Variants in DMD observed in about 807,000 individuals in gnomAD.
The protein encoded by DMD is mutant dystrophin.
Under a neutral mutation model 330.1 loss-of-function variants are expected in DMD, and 63 were observed. That is an observed-to-expected ratio of 0.19 (90% CI 0.16 to 0.24). The LOEUF (loss-of-function observed/expected upper bound fraction) is 0.24, where lower values mean the gene tolerates loss of function less well. Ranked by LOEUF, DMD falls within the 10% of genes least tolerant of loss-of-function variation. The pLI, the probability that DMD is intolerant of heterozygous loss-of-function variation, is 1.00. For synonymous variants in DMD, 1,223 were observed against 959.8 expected (o/e 1.27, Z -5.07); for missense variants, 3,344 against 2,684.1 (o/e 1.25, Z -5.43).
At chrX:32,621,881 C>T (rs2058023586) in intron 11 of DMD, among the ~76,000 whole-genome samples, 1 of 111,423 alleles carries the variant, frequency 9.0e-6, no homozygotes, top group South Asian at 3.8e-4. Context: ...AAATTCAAAA[C>T]TTGCTAGAAG....
At chrX:32,256,324 A>AT (rs1418040813) in intron 43 of DMD, among the ~76,000 whole-genome samples, 3 of 94,795 alleles carry the variant, frequency 3.2e-5, no homozygotes, top group Non-Finnish European at 4.2e-5. Context: ...TTTTTTTTTT[A>AT]TTTTTTTTAA....
At chrX:31,480,653 T>G (rs990842187) in intron 57 of DMD, among the ~76,000 whole-genome samples, 29 of 107,765 alleles carry the variant, frequency 2.7e-4, no homozygotes, top group Admixed American at 1.0e-4. Flanking sequence ...CAAATTCAAG[T>G]AAATTATCAT....
chrX:32,508,242 T>G (rs1208891425), intron 18 of DMD, among the ~76,000 whole-genome samples: 1 of 111,160 alleles, frequency 9.0e-6, no homozygotes, highest in Non-Finnish European at 1.9e-5. Context: ...CAATGGTATC[T>G]GCATATTTGT....
intron 37 of DMD, among the ~76,000 whole-genome samples, chrX:32,355,457 GAACA>G (rs781762006): frequency 1.8e-4 from 20 of 111,479 alleles, no homozygotes; most frequent in Non-Finnish European, 2.5e-4. Context: ...TATCAAAGGA[GAACA>G]ATCAAGATTC....
chrX:32,760,074 T>C (rs2855694), intron 7 of DMD, among the ~76,000 whole-genome samples: 41,835 of 111,358 alleles, frequency 0.38, 6,101 homozygotes, highest in Admixed American at 0.51. Context: ...GTTTATATTA[T>C]ACTTTTGACT....
At chrX:33,258,946 C>T (rs1204209822) in intron 1 of DMD, among the ~76,000 whole-genome samples, 2 of 111,012 alleles carry the variant, frequency 1.8e-5, no homozygotes, top group African/African-American at 6.5e-5. Context: ...CTTTGAATAA[C>T]AGCCAGAGTA....
At chrX:31,915,379 C>A (rs1430056279) in intron 47 of DMD, among the ~76,000 whole-genome samples, 1 of 111,950 alleles carries the variant, frequency 8.9e-6, no homozygotes, top group East Asian at 2.8e-4. Context: ...CTAGGCTGGA[C>A]TTTATGTGGG....
At chrX:33,054,211 C>T (rs2094492156) in intron 1 of DMD, among the ~76,000 whole-genome samples, 1 of 111,898 alleles carries the variant, frequency 8.9e-6, no homozygotes, top group Admixed American at 9.5e-5. Flanking sequence ...ATCCAATCAA[C>T]TAATATTTCA....
At chrX:32,413,328 T>A (rs2098151678) in intron 29 of DMD, among the ~76,000 whole-genome samples, 1 of 111,550 alleles carries the variant, frequency 9.0e-6, no homozygotes, top group Non-Finnish European at 1.9e-5. Context: ...CCCAACTTGC[T>A]TTTCCTCCTT....
chrX:31,370,098 C>CAA (rs59989996), intron 60 of DMD, among the ~76,000 whole-genome samples: 2,968 of 59,186 alleles, frequency 0.05, 111 homozygotes, highest in Non-Finnish European at 0.069. Context: ...GGCTCCGTCT[C>CAA]AAAAAAAAAA....
chrX:32,184,173 T>C (rs1453235191), intron 44 of DMD, among the ~76,000 whole-genome samples: 1 of 111,170 alleles, frequency 9.0e-6, no homozygotes, highest in Non-Finnish European at 1.9e-5. Context: ...GAGTGTTTTT[T>C]TTCTGTTACT....
At chrX:32,534,186 AAGGTACCAGC>A (rs1179810582) in intron 17 of DMD, among the ~76,000 whole-genome samples, 1 of 112,079 alleles carries the variant, frequency 8.9e-6, no homozygotes, top group Non-Finnish European at 1.9e-5. Context: ...TTCCAAAATT[AAGGTACCAGC>A]AGGATCAGTT....
intron 1 of DMD, among the ~76,000 whole-genome samples, chrX:33,070,663 CTCTCTCTCTCTATATA>C (rs1276502038): frequency 2.2e-5 from 1 of 45,088 alleles, no homozygotes; most frequent in Non-Finnish European, 3.8e-5. Flanking sequence ...CTCTCTCTCT[CTCTCTCTCTCTATATA>C]TATATATATA....
intron 1 of DMD, among the ~76,000 whole-genome samples, chrX:33,180,957 G>A (rs1282301960): frequency 9.3e-6 from 1 of 107,958 alleles, no homozygotes; most frequent in Non-Finnish European, 1.9e-5. Context: ...TCTGAAGTAA[G>A]TAATACCTCT....
chrX:31,637,644 C>T (rs2148483811), intron 54 of DMD, among the ~76,000 whole-genome samples: 1 of 110,979 alleles, frequency 9.0e-6, no homozygotes, highest in East Asian at 2.8e-4. Flanking sequence ...AGTCAATAAA[C>T]CTACTACCGA....
chrX:32,644,850 A>T (rs1415821087), intron 10 of DMD, 114 bp downstream of exon 10: 4 of 908,453 alleles, frequency 4.4e-6, no homozygotes, highest in East Asian at 6.3e-5. Context: ...CAAGCACATC[A>T]TAGTAACTAA....
chrX:32,697,586 A>C (rs2063751273), intron 9 of DMD, among the ~76,000 whole-genome samples: 1 of 111,823 alleles, frequency 8.9e-6, no homozygotes, highest in Admixed American at 9.6e-5. Context: ...GTTTTTTATA[A>C]CCATTAGCAG....
chrX:32,612,944 G>T (rs1004157668), intron 12 of DMD, among the ~76,000 whole-genome samples: 1 of 110,980 alleles, frequency 9.0e-6, no homozygotes, highest in Non-Finnish European at 1.9e-5. Flanking sequence ...AGAAATAAAT[G>T]TATCTTTCAT....
chrX:31,378,984 A>G (rs965701973), intron 60 of DMD, among the ~76,000 whole-genome samples: 2 of 110,835 alleles, frequency 1.8e-5, no homozygotes, highest in Non-Finnish European at 3.8e-5. Flanking sequence ...TTCTTGTCAT[A>G]AAATAGGCAA....
Sources: gnomAD v4.1 joint callset for allele counts (sites outside exome capture counted in the v4.1 genomes callset) on GRCh38, gnomAD v4.1.1 for gene constraint, MANE v1.5 for transcripts, NCBI Gene and HGNC (gene_info 2026-07-23, HGNC 2026-07-21) for gene names.